Variants in DPP10 observed in about 807,000 individuals in gnomAD.
The protein encoded by DPP10 is dipeptidyl peptidase like 10, also known as inactive dipeptidyl peptidase 10.
Under a neutral mutation model 120.9 loss-of-function variants are expected in DPP10, and 33 were observed. The ratio of observed to expected loss-of-function variants is 0.27; its 90% CI spans 0.21 to 0.37. The LOEUF is 0.37. DPP10 is among the 10% of genes least tolerant of loss of function. The pLI, the probability that DPP10 is intolerant of heterozygous loss-of-function variation, is 1.00. For synonymous variants in DPP10, 337 were observed against 326.1 expected, an observed-to-expected ratio of 1.03 and a Z score of -0.36; for missense variants, 816 against 942.8, an observed-to-expected ratio of 0.87 and a Z score of 1.76.
intron 1 of DPP10, among the ~76,000 whole-genome samples, chr2:115,067,861 C>CAAAAAAAAAAA (rs201964006): frequency 2.3e-5 from 2 of 86,800 alleles, no homozygotes; most frequent in African/African-American, 4.0e-5. Flanking sequence ...GACTCTGTCT[C>CAAAAAAAAAAA]AAAAAAAAAA....
intron 3 of DPP10, among the ~76,000 whole-genome samples, chr2:115,406,368 T>A (rs1310404059): frequency 6.6e-6 from 1 of 152,238 alleles, no homozygotes; most frequent in African/African-American, 2.4e-5. Context: ...AACATTTTTT[T>A]AGTCTTTTTT....
chr2:115,547,376 C>T (rs900404907), intron 5 of DPP10, among the ~76,000 whole-genome samples: 3 of 152,254 alleles, frequency 2.0e-5, no homozygotes, highest in Middle Eastern at 3.4e-3. Flanking sequence ...TTAAGACTTC[C>T]GTGATACGAT....
intron 1 of DPP10, among the ~76,000 whole-genome samples, chr2:114,884,195 G>A (rs1035687705): frequency 6.6e-6 from 1 of 152,118 alleles, no homozygotes; most frequent in Admixed American, 6.5e-5. Context: ...GAAGGAAAAA[G>A]GGCCTCTACT....
intron 5 of DPP10, among the ~76,000 whole-genome samples, chr2:115,567,420 C>G (rs1426849099): frequency 6.6e-6 from 1 of 151,978 alleles, no homozygotes; most frequent in Non-Finnish European, 1.5e-5. Context: ...TATATTGTAT[C>G]TCCTTCTCTG....
At chr2:115,407,388 C>T (rs911351311) in intron 3 of DPP10, among the ~76,000 whole-genome samples, 5 of 152,134 alleles carry the variant, frequency 3.3e-5, no homozygotes, top group African/African-American at 1.2e-4. Flanking sequence ...AGGATAAACA[C>T]GAAGACCAAT....
chr2:114,496,987 C>A (rs774036940), intron 1 of DPP10, among the ~76,000 whole-genome samples: 1 of 148,730 alleles, frequency 6.7e-6, no homozygotes, highest in African/African-American at 2.6e-5. Context: ...ACCCTCTCAC[C>A]ATACACAGAC....
intron 1 of DPP10, among the ~76,000 whole-genome samples, chr2:115,233,212 A>AGTGTGTGT (rs72071460): frequency 6.7e-6 from 1 of 148,844 alleles, no homozygotes; most frequent in Non-Finnish European, 1.5e-5. Context: ...AGGTATATTG[A>AGTGTGTGT]GTGTGTGTGT....
intron 1 of DPP10, among the ~76,000 whole-genome samples, chr2:114,663,671 A>ATATATATATATATATATATATG (rs1341152871): frequency 1.4e-5 from 2 of 139,914 alleles, no homozygotes; most frequent in African/African-American, 5.4e-5. Context: ...ATATATATAG[A>ATATATATATATATATATATATG]GAGAGAGAGA....
intron 3 of DPP10, among the ~76,000 whole-genome samples, chr2:115,473,082 C>A (rs900794640): frequency 6.6e-6 from 1 of 152,106 alleles, no homozygotes; most frequent in South Asian, 2.1e-4. Context: ...GTGGTCTAAA[C>A]GTGTTCTGGA....
intron 5 of DPP10, among the ~76,000 whole-genome samples, chr2:115,663,570 A>G (rs1158324589): frequency 6.6e-6 from 1 of 152,216 alleles, no homozygotes; most frequent in African/African-American, 2.4e-5. Context: ...GTATTCTGGT[A>G]GAATACAGCC....
At chr2:114,961,642 G>A (rs548897006) in intron 1 of DPP10, among the ~76,000 whole-genome samples, 1 of 152,152 alleles carries the variant, frequency 6.6e-6, no homozygotes, top group African/African-American at 2.4e-5. Context: ...AAATAACTAA[G>A]GGTATGGAAT....
intron 1 of DPP10, among the ~76,000 whole-genome samples, chr2:114,969,292 A>G (rs1371801918): frequency 1.3e-5 from 2 of 152,246 alleles, no homozygotes; most frequent in Non-Finnish European, 2.9e-5. Context: ...TATTAAAGGC[A>G]TATGAAATTT....
chr2:114,849,713 T>C (rs1349563799), intron 1 of DPP10, among the ~76,000 whole-genome samples: 2 of 152,078 alleles, frequency 1.3e-5, no homozygotes, highest in Non-Finnish European at 1.5e-5. Flanking sequence ...AAATCCATGT[T>C]CCATAGAAAA....
intron 1 of DPP10, among the ~76,000 whole-genome samples, chr2:114,790,291 G>A (rs1027110855): frequency 6.6e-6 from 1 of 152,042 alleles, no homozygotes; most frequent in East Asian, 1.9e-4. Context: ...AAGGAAAATG[G>A]TTACTTCTTC....
chr2:115,342,611 A>G (rs916978905), intron 2 of DPP10, among the ~76,000 whole-genome samples: 2 of 152,202 alleles, frequency 1.3e-5, no homozygotes, highest in African/African-American at 2.4e-5. Flanking sequence ...TGTTGCCTTG[A>G]AATTTTTTAA....
chr2:115,545,859 A>G (rs1257337723), intron 5 of DPP10, among the ~76,000 whole-genome samples: 1 of 152,074 alleles, frequency 6.6e-6, no homozygotes, highest in Non-Finnish European at 1.5e-5. Flanking sequence ...AGATCACAGG[A>G]AGCTACAGAG....
At chr2:114,785,223 C>T (rs960170693) in intron 1 of DPP10, among the ~76,000 whole-genome samples, 2 of 150,620 alleles carry the variant, frequency 1.3e-5, no homozygotes, top group African/African-American at 2.4e-5. Flanking sequence ...TTGGCAGAGG[C>T]GATGAGAATA....
At chr2:115,303,444 G>A (rs1385204544) in intron 1 of DPP10, among the ~76,000 whole-genome samples, 1 of 151,620 alleles carries the variant, frequency 6.6e-6, no homozygotes, top group Non-Finnish European at 1.5e-5. Context: ...ACCTACATGT[G>A]TATTTTTATA....
At chr2:115,479,923 G>T (rs984186162) in intron 3 of DPP10, among the ~76,000 whole-genome samples, 68 of 152,126 alleles carry the variant, frequency 4.5e-4, no homozygotes, top group African/African-American at 1.6e-3. Context: ...GGGGAGACAT[G>T]AATGCGTCCA....
Sources: gnomAD v4.1 joint callset for allele counts (sites outside exome capture counted in the v4.1 genomes callset) on GRCh38, gnomAD v4.1.1 for gene constraint, MANE v1.5 for transcripts, NCBI Gene and HGNC (gene_info 2026-07-23, HGNC 2026-07-21) for gene names.